The following CDH13 variants were observed in gnomAD, a reference collection of about 807,000 sequenced individuals.
CDH13 encodes the protein cadherin-13.
A neutral mutation model predicts 63.8 loss-of-function variants in CDH13; 24 were observed. The observed-to-expected ratio is 0.38, with a 90% CI of 0.27 to 0.53. CDH13 has a LOEUF of 0.53. CDH13 is among the 20% of genes least tolerant of loss of function. The probability of loss-of-function intolerance (pLI) is 0.85; values close to 1 mark genes in which losing one functional copy is unlikely to be tolerated. For synonymous variants in CDH13, 503 were observed against 355.3 expected, an observed-to-expected ratio of 1.42 and a Z score of -4.67; for missense variants, 1,049 against 903.1, an observed-to-expected ratio of 1.16 and a Z score of -2.07.
chr16:83,633,360 C>T (rs142500656), intron 8 of CDH13, among the ~76,000 whole-genome samples: 6 of 152,192 alleles, frequency 3.9e-5, no homozygotes, highest in East Asian at 3.8e-4. Context: ...TGTCACATTG[C>T]GTGCAGTGGT....
chr16:83,243,425 C>G (rs975424440), intron 5 of CDH13, among the ~76,000 whole-genome samples: 3 of 152,128 alleles, frequency 2.0e-5, no homozygotes, highest in East Asian at 1.9e-4. Flanking sequence ...TATTAACTAT[C>G]ATGAGAACAG....
intron 1 of CDH13, among the ~76,000 whole-genome samples, chr16:82,736,911 A>G (rs1343792017): frequency 6.6e-6 from 1 of 152,016 alleles, no homozygotes; most frequent in Non-Finnish European, 1.5e-5. Context: ...CAGTTCCTCC[A>G]CCTTTCACTT....
At chr16:82,632,533 C>G (rs989841712) in intron 1 of CDH13, among the ~76,000 whole-genome samples, 3 of 152,078 alleles carry the variant, frequency 2.0e-5, no homozygotes, top group African/African-American at 4.8e-5. Context: ...TGAGTCAGTA[C>G]GAGCCCTGGC....
chr16:83,329,409 T>C (rs889829625), intron 5 of CDH13, among the ~76,000 whole-genome samples: 1 of 151,642 alleles, frequency 6.6e-6, no homozygotes, highest in Admixed American at 6.6e-5. Flanking sequence ...TATTTTTTTT[T>C]TTTTTTTAGT....
intron 1 of CDH13, among the ~76,000 whole-genome samples, chr16:82,680,527 C>T (rs190267681): frequency 1.9e-4 from 29 of 152,152 alleles, no homozygotes; most frequent in Non-Finnish European, 1.8e-4. Context: ...ATTATTTCTG[C>T]GCTCCAAAGT....
At chr16:83,544,265 C>G (rs1233494813) in intron 7 of CDH13, among the ~76,000 whole-genome samples, 1 of 152,090 alleles carries the variant, frequency 6.6e-6, no homozygotes, top group Non-Finnish European at 1.5e-5. Flanking sequence ...TAAATAAAAC[C>G]CAGTCTATAG....
At chr16:82,748,223 G>A (rs139144833) in intron 1 of CDH13, among the ~76,000 whole-genome samples, 9 of 152,280 alleles carry the variant, frequency 5.9e-5, no homozygotes, top group African/African-American at 1.9e-4. Context: ...GAAGAAAAGA[G>A]GCTGGATCCA....
chr16:83,790,422 C>G (rs2151019597), intron 13 of CDH13, among the ~76,000 whole-genome samples: 1 of 152,024 alleles, frequency 6.6e-6, no homozygotes, highest in East Asian at 1.9e-4. Context: ...TGTTTTTTCA[C>G]AGAGTCTTGC....
chr16:83,412,727 C>T (rs915823343), intron 6 of CDH13, among the ~76,000 whole-genome samples: 8 of 152,196 alleles, frequency 5.3e-5, no homozygotes, highest in African/African-American at 1.9e-4. Context: ...GTTCCTAATA[C>T]GGTGAAGTCA....
In CDH13 at chr16:82,866,377, C is replaced by CTTCT. The variant is rs1219841320; in HGVS notation, c.157+7906_157+7907insCTTT. 1.4e-4 allele frequency among the ~76,000 whole-genome samples: 8 copies of CTTCT among 58,322 alleles called. 1 individual carries two copies. The highest frequency in any genetic ancestry group is 1.2e-3 in the East Asian group (3 of 2,536). 38.3% of individuals were successfully genotyped at this position (58,322 alleles called of 152,430 possible). ...TCTGTTTTCTTTTCTTTTTCTTCTT[C>CTTCT]TTTTTTTTTTTTTTTTTTTTTTTTT... On this transcript the variant is annotated intron_variant, in intron 2 of 13. Transcript: ENST00000567109.
intron 3 of CDH13, among the ~76,000 whole-genome samples, chr16:83,053,937 G>A (rs758964193): frequency 7.2e-5 from 11 of 152,104 alleles, no homozygotes; most frequent in Non-Finnish European, 1.5e-4. Context: ...GGTCAATGAC[G>A]GACCACATAT....
chr16:83,327,859 G>A (rs1038975977), intron 5 of CDH13, among the ~76,000 whole-genome samples: 2 of 152,224 alleles, frequency 1.3e-5, no homozygotes, highest in Non-Finnish European at 2.9e-5. Flanking sequence ...GTGGCTGGGC[G>A]CAGTGGCTTA....
At chr16:83,200,921 A>ATG (rs374017580) in intron 4 of CDH13, among the ~76,000 whole-genome samples, 19,666 of 129,444 alleles carry the variant, frequency 0.15, 1,637 homozygotes, top group Non-Finnish European at 0.2. Flanking sequence ...AGTCTTAAAA[A>ATG]TGTGTGTGTG....
At chr16:82,906,550 C>T (rs944554890) in intron 2 of CDH13, among the ~76,000 whole-genome samples, 1 of 152,130 alleles carries the variant, frequency 6.6e-6, no homozygotes, top group African/African-American at 2.4e-5. Context: ...TTCTCATTGC[C>T]AGGATTTTAA....
intron 1 of CDH13, among the ~76,000 whole-genome samples, chr16:82,806,741 G>T (rs2037164369): frequency 6.6e-6 from 1 of 152,076 alleles, no homozygotes; most frequent in African/African-American, 2.4e-5. Flanking sequence ...GTTTGTATTT[G>T]AACTCACATG....
chr16:82,904,961 T>G (rs765426685), intron 2 of CDH13, among the ~76,000 whole-genome samples: 4 of 151,520 alleles, frequency 2.6e-5, no homozygotes, highest in Non-Finnish European at 5.9e-5. Context: ...GTTTCTCCCA[T>G]GGAGTGCAGT....
At chr16:83,719,951 C>T (rs1909469455) in intron 10 of CDH13, among the ~76,000 whole-genome samples, 1 of 152,172 alleles carries the variant, frequency 6.6e-6, no homozygotes, top group Non-Finnish European at 1.5e-5. Flanking sequence ...ATCTACATCT[C>T]CCTGCACACA....
chr16:82,648,704 C>T (rs969175040), intron 1 of CDH13, among the ~76,000 whole-genome samples: 2 of 152,124 alleles, frequency 1.3e-5, no homozygotes, highest in Non-Finnish European at 2.9e-5. Context: ...TTACAAGTCT[C>T]CATTGATACA....
chr16:83,425,732 C>G (rs2071873355), intron 6 of CDH13, among the ~76,000 whole-genome samples: 1 of 148,252 alleles, frequency 6.7e-6, no homozygotes, highest in African/African-American at 2.4e-5. Flanking sequence ...AATATGAATA[C>G]CTTTCTGTCT....
Sources: gnomAD v4.1 joint callset for allele counts (sites outside exome capture counted in the v4.1 genomes callset) on GRCh38, gnomAD v4.1.1 for gene constraint, MANE v1.5 for transcripts, NCBI Gene and HGNC (gene_info 2026-07-23, HGNC 2026-07-21) for gene names.